Variants in LRP4 observed in about 807,000 individuals in gnomAD.
The protein encoded by LRP4 is low-density lipoprotein receptor-related protein 4.
Under a neutral mutation model 220.3 loss-of-function variants are expected in LRP4, and 95 were observed. The observed-to-expected ratio is 0.43, with a 90% CI of 0.37 to 0.51. LRP4 has a LOEUF of 0.51. LRP4 is among the 20% of genes least tolerant of loss of function. The pLI is 0.00. For synonymous variants in LRP4, 903 were observed against 954.6 expected, an observed-to-expected ratio of 0.95 and a Z score of 1.00; for missense variants, 1,925 against 2,567.0, an observed-to-expected ratio of 0.75 and a Z score of 5.40.
chr11:46,873,358 G>A lies in LRP4; in HGVS notation c.4448+17C>T. On this transcript the variant is annotated intron_variant, in intron 29 of 37. Transcript: ENST00000378623. The surrounding 1 kb of genome is among the most constrained non-coding windows in gnomAD (Gnocchi z 4.2). ...CCCTTCTTCCCTGGATCTCTCTTCT[G>A]CTGGCCATAAACTTACCCCTTCCTG... is the stretch of plus-strand genomic sequence containing the variant. The A allele has an allele frequency of 6.2e-7, 1 of 1,613,486 alleles. No homozygotes were observed. The highest frequency in any genetic ancestry group is 8.5e-7 in the Non-Finnish European group (1 of 1,179,600).
intron 1 of LRP4, among the ~76,000 whole-genome samples, chr11:46,917,663 C>G (rs77903697): frequency 0.02 from 3,041 of 152,278 alleles, 101 homozygotes; most frequent in African/African-American, 0.07. Context: ...CCTCAGCCCC[C>G]TTTCCAACCA....
chr11:46,903,039 C>T lies in LRP4; in HGVS notation c.53-110G>A, dbSNP rs77504414. 1.3e-3 allele frequency: 1,722 copies of T among 1,296,550 alleles called. 26 individuals are homozygous for T. In the African/African-American group the frequency reaches 0.023, roughly 17 times the overall value. The allele number at this position is 1,296,550 out of a possible 1,614,324, so 80.3% of individuals were successfully genotyped here. On this transcript the variant is annotated intron_variant, in intron 1 of 37. Coordinates refer to ENST00000378623, the MANE Select transcript of LRP4 (RefSeq NM_002334.4). ...CCAGGGGCACTGTCACCTGGAGAGTCACAGTGACACTTCAAGGGAGATGCA... is the reference window on the plus strand; with the variant it reads ...CCAGGGGCACTGTCACCTGGAGAGTTACAGTGACACTTCAAGGGAGATGCA...
At chr11:46,904,482 T>TGGATGGATGGATGGATGGATGGATGGAC (rs1941725647) in intron 1 of LRP4, among the ~76,000 whole-genome samples, 4 of 140,670 alleles carry the variant, frequency 2.8e-5, no homozygotes, top group African/African-American at 8.2e-5. Flanking sequence ...CTGCAATGCA[T>TGGATGGATGGATGGATGGATGGATGGAC]GGATGGATGG....
Position 46,879,014 on chromosome 11 carries a change from T to C in LRP4, c.3029A>G (p.Asn1010Ser). Residue 1010 changes from asparagine to serine, a missense_variant, in exon 22 of 38, where the codon AAT becomes AGT. Physicochemically the swap from Asn to Ser is conservative, Grantham distance 46 (BLOSUM62 1). Around this residue, in one of 3 missense-constraint regions of LRP4, gnomAD observed 1,244 missense variants for 1,624.9 expected, o/e 0.77. Coordinates refer to ENST00000378623, the MANE Select transcript of LRP4 (RefSeq NM_002334.4). ...AAGACACAGGTGGCTACAGCCGCCATTCTCCATAGCACATGGTGTAGACAC... is the reference window on the plus strand; with the variant it reads ...AAGACACAGGTGGCTACAGCCGCCACTCTCCATAGCACATGGTGTAGACAC... Reference protein sequence around the residue: ...PPVSTPCAMENGGCSHLCLRS... With the variant: ...PPVSTPCAMESGGCSHLCLRS... 4 of 1,614,242 alleles carry C rather than the reference T, an allele frequency of 2.5e-6. No homozygotes were observed. Among genetic ancestry groups the C allele is most frequent in the Non-Finnish European group, 2.5e-6 (3 of 1,180,050 alleles).
At chr11:46,900,451 C>T (rs1592547113) in intron 2 of LRP4, 73 bp from the exon 3 acceptor site, 1 of 919,448 alleles carries the variant, frequency 1.1e-6, no homozygotes, top group African/African-American at 1.6e-5. Context: ...GGCCAGATAG[C>T]CTTTTGCTCC....
In LRP4 at chr11:46,890,069, G is replaced by C; in HGVS notation, c.1967C>G (p.Thr656Arg). ...ATTGATGCTCTTGGTGTGCCAGTCT[G>C]TCCAGTACAGGCTGTCTTCAAACAC... The part of the protein sequence containing the change: ...ITVFEDSLYW[T>R]DWHTKSINSA... The change falls in exon 15 of 38, where the codon ACA becomes AGA. Residue 656 changes from threonine to arginine, a missense_variant. Around this residue, in one of 3 missense-constraint regions of LRP4, gnomAD observed 269 missense variants for 436.7 expected, o/e 0.62. Transcript: ENST00000378623. This position sits in a 1 kb window ranked among gnomAD's most constrained non-coding sequence, Gnocchi z 5.3. 1 of 1,614,164 alleles carries C rather than the reference G, an allele frequency of 6.2e-7. No homozygotes were observed. The highest frequency in any genetic ancestry group is 8.5e-7 in the Non-Finnish European group (1 of 1,180,032).
At chr11:46,874,737 A>G in intron 28 of LRP4, 63 bp downstream of exon 28, 1 of 1,474,082 alleles carries the variant, frequency 6.8e-7, no homozygotes, top group South Asian at 1.1e-5. Context: ...TCAGAACACA[A>G]CCTCACCCAT....
At chr11:46,905,632 C>A (rs1458500015) in intron 1 of LRP4, among the ~76,000 whole-genome samples, 1 of 152,094 alleles carries the variant, frequency 6.6e-6, no homozygotes, top group Non-Finnish European at 1.5e-5. Flanking sequence ...GGGCGGATCA[C>A]CTGAGGTCAG....
At chr11:46,880,200 GT>G (rs1337961201) in intron 20 of LRP4, among the ~76,000 whole-genome samples, 1 of 151,326 alleles carries the variant, frequency 6.6e-6, no homozygotes, top group Admixed American at 6.6e-5. Context: ...GACTAGATTA[GT>G]TGGGCCCGGT....
At chr11:46,866,629 G>T (rs1940708442) in intron 34 of LRP4, among the ~76,000 whole-genome samples, 1 of 152,070 alleles carries the variant, frequency 6.6e-6, no homozygotes, top group African/African-American at 2.4e-5. Flanking sequence ...ACAGTCATTA[G>T]AATTTTTTGC....
chr11:46,916,739 G>T (rs1410699902), intron 1 of LRP4, among the ~76,000 whole-genome samples: 1 of 149,444 alleles, frequency 6.7e-6, no homozygotes, highest in Non-Finnish European at 1.5e-5. Flanking sequence ...CATTTCCCTT[G>T]ATCTTTTTCA....
intron 8 of LRP4, 119 bp from the exon 9 acceptor site, chr11:46,896,454 G>T: frequency 2.3e-6 from 3 of 1,279,254 alleles, no homozygotes; most frequent in Non-Finnish European, 3.3e-6. Context: ...GAGGGTGAGG[G>T]TCCTGGGCAG....
In LRP4 at chr11:46,873,454, G is replaced by T; in HGVS notation, c.4369C>A (p.Leu1457Met). 4 of 1,614,186 alleles carry T rather than the reference G, an allele frequency of 2.5e-6. No individual in the cohort carries two copies. The highest frequency in any genetic ancestry group is 3.4e-6 in the Non-Finnish European group (4 of 1,180,048). Residue 1457 changes from leucine to methionine, a missense_variant, in exon 29 of 38, where the codon CTG (leucine) becomes ATG (methionine). Transcript: ENST00000378623. The surrounding 1 kb of genome is among the most constrained non-coding windows in gnomAD (Gnocchi z 4.2). ...AGTACTTTGCGGCAGGAACCATCCAGCCTGGACGCCTCAATGGTATTTCGA... is the reference window on the plus strand; with the variant it reads ...AGTACTTTGCGGCAGGAACCATCCATCCTGGACGCCTCAATGGTATTTCGA... ...TGRNTIEASRLDGSCRKVLIN... is the reference protein window; with the variant it reads ...TGRNTIEASRMDGSCRKVLIN...
intron 34 of LRP4, 65 bp downstream of exon 34, chr11:46,867,912 CTA>C: frequency 6.2e-7 from 1 of 1,603,546 alleles, no homozygotes; most frequent in Non-Finnish European, 8.5e-7. Context: ...CAAGCTGGGA[CTA>C]TGAGTTGGTC....
In LRP4 at chr11:46,902,913, G is replaced by A. The variant is rs370359994; in HGVS notation, c.69C>T (p.Pro23=). 1.6e-5 allele frequency: 26 copies of A among 1,614,078 alleles called. No homozygotes were observed. Among genetic ancestry groups the A allele is most frequent in the Middle Eastern group, 1.6e-4 (1 of 6,062 alleles). ...LLCAHGLASS[P]ECACGRSHFT... ...AGTGGCTCCGACCACAAGCACACTC[G>A]GGGCTGCTGGCCAGGCCTGGGCGGA... Residue 23 remains proline, a synonymous_variant, in exon 2 of 38, where the codon CCC becomes CCT. Transcript: ENST00000378623.
intron 37 of LRP4, among the ~76,000 whole-genome samples, 194 bp from the exon 38 acceptor site, chr11:46,859,509 A>G (rs1224488330): frequency 3.3e-5 from 5 of 152,288 alleles, no homozygotes; most frequent in Non-Finnish European, 1.5e-5. Context: ...TGTGATAATT[A>G]TTACCATTAC....
chr11:46,872,274 G>A (rs1027319575), intron 30 of LRP4, among the ~76,000 whole-genome samples: 2 of 152,002 alleles, frequency 1.3e-5, no homozygotes, highest in Non-Finnish European at 2.9e-5. Context: ...CAACAAAAAA[G>A]GAAGTGAGCC....
In LRP4 at chr11:46,858,776, ATTCTCGTGATGTGCCATCAT is replaced by A. The variant is rs1940448660; in HGVS notation, c.*187_*206del. 4 of 626,818 alleles carry A rather than the reference ATTCTCGTGATGTGCCATCAT, an allele frequency of 6.4e-6. No individual in the cohort carries two copies. In the South Asian group the frequency reaches 7.1e-5, roughly 11 times the overall value. The allele number at this position is 626,818 out of a possible 1,614,324, so 38.8% of individuals were successfully genotyped here. On this transcript the variant is annotated 3_prime_UTR_variant, in exon 38 of 38. Coordinates refer to ENST00000378623, the MANE Select transcript of LRP4 (RefSeq NM_002334.4). ...GGTTCATGGTAAAATCCAGGTCTAAATTCTCGTGATGTGCCATCATTTCTTGTGCACAGGTAGTTATGGAC... is the reference window on the plus strand; with the variant it reads ...GGTTCATGGTAAAATCCAGGTCTAAATTCTTGTGCACAGGTAGTTATGGAC...
At position 46,890,931 on chromosome 11, in the gene LRP4, T is replaced by C. The variant is rs1217646019; in HGVS notation, c.1698-437A>G. Among the ~76,000 whole-genome samples, 2 of 151,906 alleles carry C rather than the reference T, an allele frequency of 1.3e-5. No individual in the cohort carries two copies. Among genetic ancestry groups the C allele is most frequent in the Non-Finnish European group, 2.9e-5 (2 of 67,980 alleles). ...TTAAGTGTCTGAGTTTAAATGTCTT[T>C]AGACAGGGCATTTATTCATTTAATA... On this transcript the variant is annotated intron_variant, in intron 13 of 37. Transcript: ENST00000378623. This position sits in a 1 kb window ranked among gnomAD's most constrained non-coding sequence, Gnocchi z 5.3.
Sources: gnomAD v4.1 joint callset for allele counts (sites outside exome capture counted in the v4.1 genomes callset) on GRCh38, gnomAD v4.1.1 for gene constraint, gnomAD v4.1.1 regional missense constraint, Gnocchi (gnomAD v3.1) non-coding constraint, MANE v1.5 for transcripts, NCBI Gene and HGNC (gene_info 2026-07-23, HGNC 2026-07-21) for gene names.